Variants in ZC3H12B observed in about 807,000 individuals in gnomAD.
ZC3H12B encodes the protein zinc finger CCCH-type containing 12B.
In ZC3H12B, 7 loss-of-function variants were observed where a neutral mutation model predicts 43.9. That is an observed-to-expected ratio of 0.16 (90% CI 0.09 to 0.30). The LOEUF is 0.30. ZC3H12B is among the 10% of genes least tolerant of loss of function. The pLI is 1.00. For missense variants in ZC3H12B, 475 were observed against 670.2 expected, an observed-to-expected ratio of 0.71 and a Z score of 3.22; for synonymous variants, 222 against 241.7, an observed-to-expected ratio of 0.92 and a Z score of 0.76.
chrX:65,159,683 A>C, the ZC3H12B span, among the ~76,000 whole-genome samples: 1 of 111,984 alleles, frequency 8.9e-6, no homozygotes, highest in Admixed American at 9.5e-5. Context: ...GGAGTTTTCT[A>C]GATATACAAT....
At chrX:65,037,122 A>G in the ZC3H12B span, among the ~76,000 whole-genome samples, 2 of 110,551 alleles carry the variant, frequency 1.8e-5, no homozygotes, top group Non-Finnish European at 3.8e-5. Context: ...TGCTTACCCA[A>G]TGGTAAATTA....
the ZC3H12B span, among the ~76,000 whole-genome samples, chrX:65,191,268 G>T: frequency 2.1e-5 from 1 of 48,380 alleles, no homozygotes. Context: ...CTCTTTTTTG[G>T]TTGTGTCTCT....
chrX:65,492,303 C>A (rs1396149700), intron 1 of ZC3H12B, among the ~76,000 whole-genome samples: 1 of 112,059 alleles, frequency 8.9e-6, no homozygotes, highest in East Asian at 2.8e-4. Flanking sequence ...CACTCTGGTT[C>A]TTTCGCTTTT....
chrX:65,222,650 T>TAAA, the ZC3H12B span, among the ~76,000 whole-genome samples: 4,126 of 93,885 alleles, frequency 0.044, 163 homozygotes, highest in East Asian at 0.16. Flanking sequence ...ATAATAATAA[T>TAAA]AAAACACTTA....
chrX:65,095,093 C>A, the ZC3H12B span, among the ~76,000 whole-genome samples: 1 of 112,129 alleles, frequency 8.9e-6, no homozygotes, highest in Non-Finnish European at 1.9e-5. Flanking sequence ...AAACTTTAAT[C>A]TATCACTATG....
the ZC3H12B span, among the ~76,000 whole-genome samples, chrX:65,275,451 G>A: frequency 1.8e-5 from 2 of 112,925 alleles, no homozygotes; most frequent in African/African-American, 6.4e-5. Flanking sequence ...CAGTGAAACA[G>A]GCTAAAGTTG....
chrX:65,215,559 G>T, the ZC3H12B span, among the ~76,000 whole-genome samples: 11 of 110,889 alleles, frequency 9.9e-5, no homozygotes, highest in African/African-American at 3.3e-4. Flanking sequence ...CCTGTATTGG[G>T]TTTTGGCTTA....
chrX:65,216,236 G>A, the ZC3H12B span, among the ~76,000 whole-genome samples: 1 of 111,816 alleles, frequency 8.9e-6, no homozygotes, highest in Non-Finnish European at 1.9e-5. Flanking sequence ...AGGGTAGGAA[G>A]GACAGTTTTA....
At chrX:65,158,314 T>C in the ZC3H12B span, among the ~76,000 whole-genome samples, 2 of 111,265 alleles carry the variant, frequency 1.8e-5, no homozygotes, top group Non-Finnish European at 3.8e-5. Flanking sequence ...AGTCAAATGG[T>C]ATTTCTAGTT....
chrX:65,179,320 T>C, the ZC3H12B span, among the ~76,000 whole-genome samples: 1 of 109,513 alleles, frequency 9.1e-6, no homozygotes, highest in Non-Finnish European at 1.9e-5. Flanking sequence ...GACGGGTTGA[T>C]GGTTGCAGCA....
At chrX:65,386,713 C>T (rs1267244460) in intron 2 of ZC3H12B, among the ~76,000 whole-genome samples, 4 of 111,212 alleles carry the variant, frequency 3.6e-5, no homozygotes, top group African/African-American at 9.8e-5. Context: ...GCTCTTGCTT[C>T]TCTAGTTCTT....
chrX:65,148,439 C>T, the ZC3H12B span, among the ~76,000 whole-genome samples: 6 of 111,705 alleles, frequency 5.4e-5, no homozygotes, highest in South Asian at 2.3e-3. Context: ...CAGTCTGGTC[C>T]TGGGGCATGC....
At chrX:65,174,631 G>A in the ZC3H12B span, among the ~76,000 whole-genome samples, 2 of 112,003 alleles carry the variant, frequency 1.8e-5, no homozygotes, top group South Asian at 7.4e-4. Flanking sequence ...GCGCTGTGGT[G>A]AGTTCTGCCC....
chrX:65,236,610 G>T, the ZC3H12B span, among the ~76,000 whole-genome samples: 1 of 111,577 alleles, frequency 9.0e-6, no homozygotes, highest in Non-Finnish European at 1.9e-5. Context: ...TTTTTATAAT[G>T]AAATCTTTGC....
At chrX:65,230,640 T>C in the ZC3H12B span, among the ~76,000 whole-genome samples, 1 of 109,487 alleles carries the variant, frequency 9.1e-6, no homozygotes, top group Non-Finnish European at 1.9e-5. Context: ...ATTGAAATTT[T>C]AAAAAGCATA....
At chrX:65,112,428 A>G in the ZC3H12B span, among the ~76,000 whole-genome samples, 1 of 98,055 alleles carries the variant, frequency 1.0e-5, no homozygotes, top group Non-Finnish European at 1.9e-5. Flanking sequence ...AATAGACAGC[A>G]GATTTTGAAT....
chrX:65,116,742 T>C, the ZC3H12B span, among the ~76,000 whole-genome samples: 1 of 107,379 alleles, frequency 9.3e-6, no homozygotes, highest in Non-Finnish European at 1.9e-5. Context: ...CAGGCCTCAG[T>C]GTGTGATGTT....
the ZC3H12B span, among the ~76,000 whole-genome samples, chrX:65,240,514 C>A: frequency 1.8e-5 from 2 of 111,641 alleles, no homozygotes; most frequent in Non-Finnish European, 3.8e-5. Context: ...CTAGAACATG[C>A]TTCTTTAGCT....
chrX:65,117,738 A>G, the ZC3H12B span, among the ~76,000 whole-genome samples: 4 of 111,768 alleles, frequency 3.6e-5, no homozygotes, highest in Middle Eastern at 4.2e-3. Context: ...TAATTTTTGT[A>G]TAACGTATAA....
Sources: allele counts gnomAD v4.1 joint callset (sites outside exome capture counted in the v4.1 genomes callset), GRCh38; gene constraint gnomAD v4.1.1; transcripts MANE v1.5; gene names NCBI Gene and HGNC (gene_info 2026-07-23, HGNC 2026-07-21).